The following SNTG1 variants were observed in gnomAD, a reference collection of about 807,000 sequenced individuals.
SNTG1 encodes the protein gamma-1-syntrophin.
A neutral mutation model predicts 74.7 loss-of-function variants in SNTG1; 39 were observed. The observed-to-expected ratio is 0.52, with a 90% CI of 0.40 to 0.68. SNTG1 has a LOEUF of 0.68. Among genes scored for constraint, SNTG1 ranks in the 30% least tolerant of loss-of-function variants. The pLI is 0.00. For synonymous variants in SNTG1, 254 were observed against 217.1 expected, an observed-to-expected ratio of 1.17 and a Z score of -1.49; for missense variants, 685 against 609.5, an observed-to-expected ratio of 1.12 and a Z score of -1.30.
At chr8:50,733,310 A>G (rs1011923619) in intron 17 of SNTG1, among the ~76,000 whole-genome samples, 2 of 150,812 alleles carry the variant, frequency 1.3e-5, no homozygotes, top group African/African-American at 4.9e-5. Flanking sequence ...TAGGTACCAC[A>G]TTTTTTTTTC....
At chr8:50,730,594 T>C (rs1026007191) in intron 17 of SNTG1, among the ~76,000 whole-genome samples, 1 of 152,190 alleles carries the variant, frequency 6.6e-6, no homozygotes, top group Non-Finnish European at 1.5e-5. Context: ...AGTCAGCATA[T>C]GTACCATTAA....
At chr8:49,989,005 A>G (rs1585789188) in intron 1 of SNTG1, among the ~76,000 whole-genome samples, 1 of 151,998 alleles carries the variant, frequency 6.6e-6, no homozygotes, top group African/African-American at 2.4e-5. Context: ...GAGGTGATGC[A>G]TACAATTACC....
At chr8:50,655,214 A>G (rs187088704) in intron 13 of SNTG1, among the ~76,000 whole-genome samples, 6 of 152,304 alleles carry the variant, frequency 3.9e-5, no homozygotes, top group Admixed American at 6.5e-5. Flanking sequence ...AGTGTAAGCT[A>G]TAATATCCTT....
At chr8:50,153,859 A>T (rs768069299) in intron 1 of SNTG1, among the ~76,000 whole-genome samples, 5 of 152,124 alleles carry the variant, frequency 3.3e-5, no homozygotes, top group Non-Finnish European at 7.4e-5. Context: ...TCAGGGACCC[A>T]CTTGAGGAGG....
intron 2 of SNTG1, among the ~76,000 whole-genome samples, chr8:50,204,306 A>T (rs1308351614): frequency 6.6e-6 from 1 of 151,942 alleles, no homozygotes; most frequent in Non-Finnish European, 1.5e-5. Flanking sequence ...TTTTTTGTCC[A>T]GTAAATATGG....
chr8:50,695,382 C>G (rs756041975), intron 15 of SNTG1, among the ~76,000 whole-genome samples: 57 of 151,970 alleles, frequency 3.8e-4, no homozygotes, highest in Non-Finnish European at 5.2e-4. Context: ...CTGTTTCTGA[C>G]AGTCAAGTAT....
intron 15 of SNTG1, among the ~76,000 whole-genome samples, chr8:50,686,680 T>C (rs1033585556): frequency 1.6e-4 from 25 of 152,296 alleles, no homozygotes; most frequent in African/African-American, 6.0e-4. Flanking sequence ...AATAAGTTAC[T>C]TTTTTTCAGT....
intron 2 of SNTG1, among the ~76,000 whole-genome samples, chr8:50,392,229 A>G (rs538360611): frequency 2.6e-4 from 39 of 152,364 alleles, no homozygotes; most frequent in Middle Eastern, 3.4e-3. Context: ...AAAAATTACA[A>G]CAATTGTAGC....
chr8:50,347,496 G>A (rs1168712010), intron 2 of SNTG1, among the ~76,000 whole-genome samples: 1 of 152,188 alleles, frequency 6.6e-6, no homozygotes, highest in Non-Finnish European at 1.5e-5. Flanking sequence ...TTTCATGCCT[G>A]CTAACACAGT....
intron 12 of SNTG1, among the ~76,000 whole-genome samples, chr8:50,587,108 A>T (rs2094654335): frequency 1.3e-5 from 2 of 151,696 alleles, no homozygotes; most frequent in Admixed American, 6.6e-5. Flanking sequence ...GTAAGACTGG[A>T]TGTATGCCCA....
chr8:50,580,573 G>A (rs2094604109), intron 12 of SNTG1, among the ~76,000 whole-genome samples: 1 of 151,980 alleles, frequency 6.6e-6, no homozygotes, highest in South Asian at 2.1e-4. Context: ...TGAATCATGG[G>A]GATGGTTACC....
intron 11 of SNTG1, among the ~76,000 whole-genome samples, chr8:50,551,308 A>T (rs1001353297): frequency 2.6e-5 from 4 of 152,314 alleles, no homozygotes; most frequent in African/African-American, 9.6e-5. Context: ...GATATGTATT[A>T]ACTTATAAGC....
intron 12 of SNTG1, among the ~76,000 whole-genome samples, chr8:50,561,277 T>G (rs914086550): frequency 2.6e-5 from 4 of 152,176 alleles, no homozygotes; most frequent in Non-Finnish European, 4.4e-5. Flanking sequence ...GTAAGTTTCC[T>G]GAGGCCTCCC....
chr8:50,285,468 T>A (rs951912386), intron 2 of SNTG1, among the ~76,000 whole-genome samples: 2 of 152,284 alleles, frequency 1.3e-5, no homozygotes, highest in Admixed American at 1.3e-4. Flanking sequence ...GGAAAAATTA[T>A]TGTGGTAACA....
chr8:49,980,413 A>G (rs1300094745), intron 1 of SNTG1, among the ~76,000 whole-genome samples: 2 of 150,048 alleles, frequency 1.3e-5, no homozygotes, highest in Non-Finnish European at 2.9e-5. Context: ...TTGTAAGTAC[A>G]CAAAATGCCC....
chr8:50,525,363 T>G (rs898927621), intron 9 of SNTG1, among the ~76,000 whole-genome samples: 2 of 152,212 alleles, frequency 1.3e-5, no homozygotes, highest in African/African-American at 4.8e-5. Context: ...TGAGCCTTTC[T>G]AGGTTCATCC....
intron 1 of SNTG1, among the ~76,000 whole-genome samples, chr8:50,010,260 G>C (rs993325974): frequency 5.9e-5 from 9 of 152,038 alleles, no homozygotes; most frequent in African/African-American, 2.2e-4. Flanking sequence ...GTATTACTCA[G>C]AGTAACTCAC....
At chr8:50,400,963 A>C (rs921953737) in intron 3 of SNTG1, among the ~76,000 whole-genome samples, 1 of 152,164 alleles carries the variant, frequency 6.6e-6, no homozygotes. Context: ...ATGTTCTCAC[A>C]ACACATATAT....
intron 14 of SNTG1, 27 bp from the exon 15 acceptor site, chr8:50,658,560 CAAATT>C: frequency 6.7e-7 from 1 of 1,493,406 alleles, no homozygotes; most frequent in Non-Finnish European, 9.2e-7. Flanking sequence ...CTTTCTAAAA[CAAATT>C]AAACATTATT....
Sources: allele counts gnomAD v4.1 joint callset (sites outside exome capture counted in the v4.1 genomes callset), GRCh38; gene constraint gnomAD v4.1.1; transcripts MANE v1.5; gene names NCBI Gene and HGNC (gene_info 2026-07-23, HGNC 2026-07-21).